SCN8A: variants seen among roughly 807,000 people sequenced by gnomAD.
SCN8A encodes sodium voltage-gated channel alpha subunit 8, also known as sodium channel protein type 8 subunit alpha.
SCN8A carries 30 observed loss-of-function variants against 184.1 expected under a neutral mutation model. That is an observed-to-expected ratio of 0.16 (90% confidence interval 0.12 to 0.22). SCN8A has a LOEUF of 0.22. SCN8A is among the 10% of genes least tolerant of loss of function. The pLI is 1.00. For synonymous variants in SCN8A, 852 were observed against 907.0 expected, an observed-to-expected ratio of 0.94 and a Z score of 1.09; for missense variants, 1,057 against 2,498.9, an observed-to-expected ratio of 0.42 and a Z score of 12.30.
chr12:51,660,154 T>A (rs1940898350), intron 1 of SCN8A, among the ~76,000 whole-genome samples: 1 of 152,096 alleles, frequency 6.6e-6, no homozygotes, highest in South Asian at 2.1e-4. Flanking sequence ...ATAGTGTCAC[T>A]TAAGCCAAAC....
At chr12:51,686,646 A>G (rs1203150132) in intron 4 of SCN8A, among the ~76,000 whole-genome samples, 189 bp downstream of exon 4, 2 of 152,156 alleles carry the variant, frequency 1.3e-5, no homozygotes, top group African/African-American at 2.4e-5. Context: ...TCTAGAAATT[A>G]CTGCCCTTCA....
chr12:51,751,232 G>A (rs1942589159), intron 13 of SCN8A, 123 bp from the exon 14 acceptor site: 2 of 690,512 alleles, frequency 2.9e-6, no homozygotes, highest in African/African-American at 1.8e-5. Flanking sequence ...ACTTAGGAAT[G>A]TCAGCGCTCA....
intron 11 of SCN8A, among the ~76,000 whole-genome samples, chr12:51,714,061 A>G (rs1173735234): frequency 6.6e-6 from 1 of 152,078 alleles, no homozygotes; most frequent in African/African-American, 2.4e-5. Flanking sequence ...TGGCTTATGC[A>G]TGCATTCAGT....
intron 2 of SCN8A, among the ~76,000 whole-genome samples, chr12:51,671,554 A>G (rs1275096108): frequency 1.3e-5 from 2 of 152,236 alleles, no homozygotes; most frequent in Non-Finnish European, 2.9e-5. Flanking sequence ...TATCATAACA[A>G]AAATTTACCT....
chr12:51,592,057 C>T (rs1437602664), intron 1 of SCN8A, among the ~76,000 whole-genome samples: 4 of 125,074 alleles, frequency 3.2e-5, no homozygotes, highest in Admixed American at 8.0e-5. Context: ...CCACCCCCAC[C>T]CCCACCCCCC....
chr12:51,625,413 C>G (rs916485510), intron 1 of SCN8A, among the ~76,000 whole-genome samples: 2 of 152,158 alleles, frequency 1.3e-5, no homozygotes, highest in Non-Finnish European at 2.9e-5. Context: ...TTTATTCAGT[C>G]ACCTGTCAAA....
At chr12:51,642,760 C>T (rs909177640) in intron 1 of SCN8A, among the ~76,000 whole-genome samples, 5 of 151,414 alleles carry the variant, frequency 3.3e-5, no homozygotes, top group Non-Finnish European at 7.4e-5. Flanking sequence ...TTGCAGTCAC[C>T]TTATTTGAGC....
At chr12:51,613,612 A>G (rs930386080) in intron 1 of SCN8A, among the ~76,000 whole-genome samples, 1 of 150,666 alleles carries the variant, frequency 6.6e-6, no homozygotes, top group Non-Finnish European at 1.5e-5. Context: ...TCTGTTCTTT[A>G]TTTTCTTTCT....
At chr12:51,668,305 T>C (rs1941072373) in intron 2 of SCN8A, among the ~76,000 whole-genome samples, 1 of 152,206 alleles carries the variant, frequency 6.6e-6, no homozygotes, top group African/African-American at 2.4e-5. Flanking sequence ...TATAATTTGA[T>C]AGCCTTAGAC....
intron 11 of SCN8A, chr12:51,712,420 G>C: frequency 2.6e-6 from 2 of 756,362 alleles, no homozygotes; most frequent in Non-Finnish European, 4.8e-6. Flanking sequence ...ACAGCTCCTC[G>C]CGCTCTCTCC....
At chr12:51,597,478 A>G (rs546996616) in intron 1 of SCN8A, among the ~76,000 whole-genome samples, 1 of 152,178 alleles carries the variant, frequency 6.6e-6, no homozygotes, top group Non-Finnish European at 1.5e-5. Flanking sequence ...CTTGTGAATT[A>G]TACAGTTATT....
chr12:51,601,819 G>GC lies in SCN8A; in HGVS notation c.-55+10463dup, dbSNP rs540349721. ...TGCCCCACTTGGGCTCTACCCTGGA[G>GC]CCCTACCTTTGCCAAGGGTGGTGCT... On this transcript the variant is annotated intron_variant, in intron 1 of 26. Transcript: ENST00000627620. Among the ~76,000 whole-genome samples the GC allele has an allele frequency of 4.9e-3, 737 of 149,936 alleles. 5 individuals are homozygous for GC. Among genetic ancestry groups the GC allele is most frequent in the African/African-American group, 0.017 (704 of 40,602 alleles).
rs1057522082 is a variant in SCN8A at position 51,705,486 on chromosome 12, C to T, written c.1204C>T (p.Leu402=). The T allele has an allele frequency of 1.2e-6, 2 of 1,613,934 alleles. No homozygotes were observed. Among genetic ancestry groups the T allele is most frequent in the Admixed American group, 1.7e-5 (1 of 59,994 alleles). The change falls in exon 10 of 27, where the codon CTG becomes TTG. Residue 402 remains leucine, a synonymous_variant. Coordinates refer to ENST00000627620, the MANE Select transcript of SCN8A (RefSeq NM_001330260.2). ...GGTCATCTTTGTGGGTTCTTTCTAT[C>T]TGGTGAACTTGATCTTGGCTGTGGT... ...VLVIFVGSFY[L]VNLILAVVAM... is the part of the protein sequence containing the mutation.
At chr12:51,763,281 T>A (rs961661515) in intron 15 of SCN8A, among the ~76,000 whole-genome samples, 2 of 152,238 alleles carry the variant, frequency 1.3e-5, no homozygotes, top group Admixed American at 6.5e-5. Context: ...CGTCCTGTTT[T>A]TCACTTTCAG....
At position 51,809,558 on chromosome 12, in the gene SCN8A, T is replaced by C. The variant is rs1938826242; in HGVS notation, c.*2129T>C. 1 of 152,212 alleles carries C rather than the reference T, an allele frequency of 6.6e-6. No homozygotes were observed. The highest frequency in any genetic ancestry group is 2.1e-4 in the South Asian group (1 of 4,838). The allele number at this position is 152,212 out of a possible 1,614,324, so 9.4% of individuals were successfully genotyped here. A position where few individuals can be genotyped will look rare whatever the true frequency, so the allele number is the denominator to read the frequency against. ...CGTAGAATTTTTGTACTACACCCAATACCAGACTGGGAAGGCCTATCTTTC... is the reference window on the plus strand; with the variant it reads ...CGTAGAATTTTTGTACTACACCCAACACCAGACTGGGAAGGCCTATCTTTC... On this transcript the variant is annotated 3_prime_UTR_variant, in exon 27 of 27. Transcript: ENST00000627620.
At chr12:51,688,067 T>G (rs930227107) in intron 5 of SCN8A, among the ~76,000 whole-genome samples, 1 of 152,234 alleles carries the variant, frequency 6.6e-6, no homozygotes, top group Non-Finnish European at 1.5e-5. Flanking sequence ...TGAAACTGAC[T>G]TTCTGTTATA....
intron 12 of SCN8A, among the ~76,000 whole-genome samples, chr12:51,743,047 CTTGA>C (rs535125992): frequency 5.7e-4 from 86 of 152,198 alleles, no homozygotes; most frequent in Non-Finnish European, 1.1e-3. Context: ...AGAGTTTCTG[CTTGA>C]TTGTTTATAA....
At chr12:51,697,808 C>G (rs1941619118) in intron 6 of SCN8A, among the ~76,000 whole-genome samples, 2 of 152,160 alleles carry the variant, frequency 1.3e-5, no homozygotes, top group Admixed American at 6.5e-5. Flanking sequence ...TTGCTATGTA[C>G]TAAATGCTTT....
At chr12:51,617,562 G>A (rs1224841381) in intron 1 of SCN8A, among the ~76,000 whole-genome samples, 1 of 152,206 alleles carries the variant, frequency 6.6e-6, no homozygotes, top group African/African-American at 2.4e-5. Flanking sequence ...CTGCATTAAA[G>A]CCTTTGCCAA....
Sources: allele counts gnomAD v4.1 joint callset (sites outside exome capture counted in the v4.1 genomes callset), GRCh38; gene constraint gnomAD v4.1.1; transcripts MANE v1.5; gene names NCBI Gene and HGNC (gene_info 2026-07-23, HGNC 2026-07-21).